The following LYST variants were observed in gnomAD, a reference collection of about 807,000 sequenced individuals.
LYST encodes the protein lysosomal trafficking regulator.
A neutral mutation model predicts 413.6 loss-of-function variants in LYST; 192 were observed. The ratio of observed to expected loss-of-function variants is 0.46; its 90% confidence interval spans 0.41 to 0.52. The LOEUF is 0.52. LYST is among the 20% of genes least tolerant of loss of function. The pLI is 0.00. For missense variants in LYST, 3,815 were observed against 4,499.9 expected, an observed-to-expected ratio of 0.85 and a Z score of 4.35; for synonymous variants, 1,525 against 1,567.3, an observed-to-expected ratio of 0.97 and a Z score of 0.64.
intron 1 of LYST, among the ~76,000 whole-genome samples, chr1:235,856,326 A>G (rs1679187244): frequency 6.6e-6 from 1 of 152,230 alleles, no homozygotes; most frequent in Non-Finnish European, 1.5e-5. Flanking sequence ...GGTTGGTAGT[A>G]TAACAGAAAG....
intron 14 of LYST, among the ~76,000 whole-genome samples, chr1:235,784,122 C>G (rs1198882374): frequency 6.6e-6 from 1 of 152,118 alleles, no homozygotes; most frequent in Admixed American, 6.5e-5. Context: ...TCAAGCAATC[C>G]TTCTGCCTCG....
intron 3 of LYST, among the ~76,000 whole-genome samples, chr1:235,824,533 C>T (rs1035637998): frequency 1.1e-4 from 16 of 152,048 alleles, no homozygotes; most frequent in East Asian, 7.7e-4. Flanking sequence ...CTAGTTGATA[C>T]GGGTGCCAAG....
chr1:235,699,269 G>GT (rs1226857573), intron 45 of LYST, among the ~76,000 whole-genome samples: 1 of 152,050 alleles, frequency 6.6e-6, no homozygotes, highest in Non-Finnish European at 1.5e-5. Flanking sequence ...CCCAGGGTGT[G>GT]TTTTTCCCCT....
chr1:235,748,406 T>C (rs903710696), intron 28 of LYST, among the ~76,000 whole-genome samples: 18 of 152,134 alleles, frequency 1.2e-4, no homozygotes, highest in African/African-American at 4.1e-4. Context: ...CCTTTGTTTA[T>C]CTATAAAAGT....
intron 46 of LYST, among the ~76,000 whole-genome samples, chr1:235,694,737 T>G (rs189447167): frequency 2.6e-4 from 40 of 152,266 alleles, no homozygotes; most frequent in African/African-American, 8.7e-4. Flanking sequence ...CCACATATCA[T>G]GAGTCTTGAG....
At chr1:235,762,012 T>C (rs949882497) in intron 22 of LYST, among the ~76,000 whole-genome samples, 1 of 149,590 alleles carries the variant, frequency 6.7e-6, no homozygotes, top group South Asian at 2.2e-4. Flanking sequence ...TTAGGAGATA[T>C]GCCTAATGCT....
rs562356201 is a variant in LYST at position 235,775,040 on chromosome 1, C to T, written c.5507G>A (p.Arg1836Gln). Residue 1836 changes from arginine (R) to glutamine (Q), a missense_variant, in exon 18 of 53, where the codon CGA (arginine) becomes CAA (glutamine). Transcript: ENST00000389793. ...SCEETQALAL[R>Q]VILSLIKYNQ... is the part of the protein sequence containing the mutation. ...GTATTTAATTAATGAGAGTATAACTCGCAGTGCTAATGCTTGAGTTTCTTC... is the reference window on the plus strand; with the variant it reads ...GTATTTAATTAATGAGAGTATAACTTGCAGTGCTAATGCTTGAGTTTCTTC... 5.6e-6 allele frequency: 9 copies of T among 1,611,684 alleles called. No individual in the cohort carries two copies. Among genetic ancestry groups the T allele is most frequent in the East Asian group, 4.5e-5 (2 of 44,722 alleles).
rs770465776 is a variant in LYST, at chr1:235,810,204, A to G, written c.614T>C (p.Leu205Pro). 1 of 1,614,098 alleles carries G rather than the reference A, an allele frequency of 6.2e-7. No homozygotes were observed. Among genetic ancestry groups the G allele is most frequent in the Admixed American group, 1.7e-5 (1 of 60,014 alleles). The change falls in exon 5 of 53, where the codon CTT (leucine) becomes CCT (proline). Residue 205 changes from leucine to proline, a missense_variant. By Grantham distance (98) the Leu-to-Pro change is moderately conservative. This residue lies in a region of LYST where 1,648 missense variants were observed against 1,810.3 expected (regional missense o/e 0.91). Coordinates refer to ENST00000389793, the MANE Select transcript of LYST (RefSeq NM_000081.4). ...CTGTTCTTTGGTTGCTAAGCGGTCAAGTTTAGCTTTGGGGTGGTCTTGTTT... is the reference window on the plus strand; with the variant it reads ...CTGTTCTTTGGTTGCTAAGCGGTCAGGTTTAGCTTTGGGGTGGTCTTGTTT... Reference protein sequence around the residue: ...FPKQDHPKAKLDRLATKEQTP... With the variant: ...FPKQDHPKAKPDRLATKEQTP...
intron 34 of LYST, among the ~76,000 whole-genome samples, chr1:235,733,079 T>C (rs1664515246): frequency 6.6e-6 from 1 of 152,188 alleles, no homozygotes; most frequent in East Asian, 1.9e-4. Context: ...GTGTCTAATG[T>C]TTAGTGTATT....
At chr1:235,722,334 T>C (rs1326123373) in intron 39 of LYST, among the ~76,000 whole-genome samples, 1 of 152,180 alleles carries the variant, frequency 6.6e-6, no homozygotes, top group African/African-American at 2.4e-5. Context: ...CCAACATACT[T>C]TAGCTGCTGT....
intron 28 of LYST, among the ~76,000 whole-genome samples, chr1:235,749,974 G>A (rs1327255176): frequency 5.9e-5 from 9 of 152,122 alleles, no homozygotes; most frequent in Admixed American, 5.9e-4. Context: ...TGGAAGCAGA[G>A]GAGGAACAGA....
intron 1 of LYST, among the ~76,000 whole-genome samples, chr1:235,834,630 T>C (rs969314170): frequency 6.6e-6 from 1 of 152,192 alleles, no homozygotes; most frequent in African/African-American, 2.4e-5. Flanking sequence ...TACCACACAT[T>C]ATTCTAGGCA....
At chr1:235,760,046 A>C (rs902103857) in intron 22 of LYST, among the ~76,000 whole-genome samples, 1 of 152,214 alleles carries the variant, frequency 6.6e-6, no homozygotes, top group African/African-American at 2.4e-5. Context: ...CAAAGTCATT[A>C]GGATTAATGG....
intron 10 of LYST, among the ~76,000 whole-genome samples, chr1:235,795,303 A>C (rs142633098): frequency 3.6e-4 from 55 of 152,334 alleles, no homozygotes; most frequent in African/African-American, 1.3e-3. Context: ...CGAAATGGTC[A>C]GGTGTATACA....
rs771882274 is a variant in LYST at position 235,759,595 on chromosome 1, C to T, written c.6258G>A (p.Glu2086=). 6.2e-5 allele frequency: 100 copies of T among 1,611,970 alleles called. No individual in the cohort carries two copies. Among genetic ancestry groups the T allele is most frequent in the Non-Finnish European group, 7.6e-5 (89 of 1,178,376 alleles). The change falls in exon 23 of 53, where the codon GAG becomes GAA. Residue 2086 remains glutamate (E), a synonymous_variant. Transcript: ENST00000389793. ...SGFTASPYEG[E]NSSNIIPQQM... ...GTTGTGGAATAATATTAGAGGAATT[C>T]TCTCCTGGTAAGAGTAGATACAAAA...
At chr1:235,724,951 A>G (rs10926512) in intron 38 of LYST, among the ~76,000 whole-genome samples, 61,825 of 152,078 alleles carry the variant, frequency 0.41, 13,282 homozygotes, top group African/African-American at 0.5. Context: ...GTGTCTGCAT[A>G]TGCATGCATG....
chr1:235,792,782 G>A (rs1321644100), intron 11 of LYST, among the ~76,000 whole-genome samples: 4 of 151,606 alleles, frequency 2.6e-5, no homozygotes, highest in African/African-American at 4.9e-5. Context: ...TCCTGCCTCA[G>A]CCTCCTGAGT....
At chr1:235,673,708 T>C (rs977903834) in intron 50 of LYST, among the ~76,000 whole-genome samples, 5 of 152,142 alleles carry the variant, frequency 3.3e-5, no homozygotes, top group Admixed American at 1.3e-4. Context: ...TTCTTTGAAA[T>C]GCGCTTTGTT....
At position 235,801,016 on chromosome 1, in the gene LYST, T is replaced by C; in HGVS notation, c.3794A>G (p.Glu1265Gly). Reference protein sequence around the residue: ...NDLLENLTQGEIIYPEICMLE... With the variant: ...NDLLENLTQGGIIYPEICMLE... ...CATACAAATCTCAGGATAAATTATT[T>C]CCCCTTGAGTGAGGTTTTCGAGTAA... Residue 1265 changes from glutamate to glycine, a missense_variant, in exon 9 of 53, where the codon GAA becomes GGA. Glu to Gly is a moderately conservative substitution (Grantham distance 98). Transcript: ENST00000389793. 1 of 1,613,792 alleles carries C rather than the reference T, an allele frequency of 6.2e-7. No homozygotes were observed. Among genetic ancestry groups the C allele is most frequent in the Non-Finnish European group, 8.5e-7 (1 of 1,179,792 alleles).
Sources: gnomAD v4.1 joint callset for allele counts (sites outside exome capture counted in the v4.1 genomes callset) on GRCh38, gnomAD v4.1.1 for gene constraint, gnomAD v4.1.1 regional missense constraint, MANE v1.5 for transcripts, NCBI Gene and HGNC (gene_info 2026-07-23, HGNC 2026-07-21) for gene names.